STPG2: variants seen among roughly 807,000 people sequenced by gnomAD.
STPG2 encodes the protein sperm tail PG-rich repeat containing 2.
Under a neutral mutation model 54.2 loss-of-function variants are expected in STPG2, and 56 were observed. The ratio of observed to expected loss-of-function variants is 1.03; its 90% CI spans 0.83 to 1.29. The LOEUF (loss-of-function observed/expected upper bound fraction) is 1.29. STPG2 is among the 50% of genes most tolerant of loss of function. The pLI is 0.00. For synonymous variants in STPG2, 200 were observed against 181.8 expected (o/e 1.10, Z -0.81); for missense variants, 596 against 544.9 (o/e 1.09, Z -0.93).
chr4:98,026,313 T>C, intron 5 of STPG2: 1 of 610,648 alleles, frequency 1.6e-6, no homozygotes, highest in Non-Finnish European at 2.9e-6. Flanking sequence ...ACAATAAAAG[T>C]ATGGACAGAA....
chr4:97,521,945 T>TA (rs942461593), intron 4 of STPG2, among the ~76,000 whole-genome samples: 9 of 151,744 alleles, frequency 5.9e-5, no homozygotes, highest in South Asian at 4.2e-4. Flanking sequence ...TACTGTCTCT[T>TA]AAAAAAAATC....
intron 5 of STPG2, among the ~76,000 whole-genome samples, chr4:97,982,472 C>CA (rs528985697): frequency 4.3e-4 from 65 of 150,512 alleles, no homozygotes; most frequent in African/African-American, 9.0e-4. Flanking sequence ...TATGTATTTA[C>CA]AAAAAAAATG....
chr4:97,880,012 A>T (rs1358343999), intron 8 of STPG2, among the ~76,000 whole-genome samples: 1 of 152,196 alleles, frequency 6.6e-6, no homozygotes, highest in East Asian at 1.9e-4. Flanking sequence ...TGCTTTTTGC[A>T]GCATTATTCA....
chr4:97,846,743 CGAA>C, intron 8 of STPG2, among the ~76,000 whole-genome samples: 1 of 151,544 alleles, frequency 6.6e-6, no homozygotes, highest in South Asian at 2.1e-4. Context: ...GAAGGGCCTG[CGAA>C]AATATGCAGT....
At chr4:97,870,658 T>C (rs889093828) in intron 8 of STPG2, among the ~76,000 whole-genome samples, 2 of 151,372 alleles carry the variant, frequency 1.3e-5, no homozygotes, top group Admixed American at 1.3e-4. Flanking sequence ...TAATGTATCA[T>C]TGACAATTAT....
intron 9 of STPG2, among the ~76,000 whole-genome samples, chr4:97,739,473 T>C (rs1375573336): frequency 1.3e-5 from 2 of 152,018 alleles, no homozygotes; most frequent in Non-Finnish European, 2.9e-5. Context: ...CTAGCAAGAC[T>C]AATAAAGAAG....
chr4:97,443,701 T>G (rs552097064), intron 4 of STPG2, among the ~76,000 whole-genome samples: 1 of 152,242 alleles, frequency 6.6e-6, no homozygotes, highest in African/African-American at 2.4e-5. Context: ...ATATTTAAGG[T>G]ACCTGAGAAA....
At chr4:97,940,250 T>A (rs1732925752) in intron 8 of STPG2, among the ~76,000 whole-genome samples, 1 of 152,188 alleles carries the variant, frequency 6.6e-6, no homozygotes, top group Admixed American at 6.5e-5. Flanking sequence ...CATTTCAACC[T>A]TGGAAAATCT....
chr4:98,019,602 T>C (rs1415937842), intron 5 of STPG2, among the ~76,000 whole-genome samples: 1 of 151,484 alleles, frequency 6.6e-6, no homozygotes, highest in Non-Finnish European at 1.5e-5. Context: ...ATAAATTACC[T>C]TGGGCAGTAC....
chr4:97,938,801 G>T (rs1366822716), intron 8 of STPG2, among the ~76,000 whole-genome samples: 1 of 151,890 alleles, frequency 6.6e-6, no homozygotes, highest in East Asian at 1.9e-4. Flanking sequence ...GGTCAGTCCT[G>T]ATGAGAGAAC....
chr4:97,813,938 C>T (rs1010746375), intron 9 of STPG2, among the ~76,000 whole-genome samples: 1 of 151,918 alleles, frequency 6.6e-6, no homozygotes, highest in African/African-American at 2.4e-5. Flanking sequence ...AATTAGAATG[C>T]ATTCTGTTAG....
chr4:97,854,211 G>C (rs1307510184), intron 8 of STPG2, among the ~76,000 whole-genome samples: 2 of 152,090 alleles, frequency 1.3e-5, no homozygotes, highest in Non-Finnish European at 2.9e-5. Context: ...TCTACCAGTA[G>C]TAAAGGTTAT....
chr4:97,756,796 T>C (rs758031492), intron 9 of STPG2, among the ~76,000 whole-genome samples: 15 of 152,166 alleles, frequency 9.9e-5, no homozygotes, highest in Admixed American at 2.6e-4. Flanking sequence ...AAAAAACTGA[T>C]TGCAGGCCAC....
chr4:97,450,699 T>C (rs948860697), intron 4 of STPG2, among the ~76,000 whole-genome samples: 43 of 152,150 alleles, frequency 2.8e-4, no homozygotes, highest in Admixed American at 2.8e-3. Flanking sequence ...ATAGGCCTCA[T>C]GAGGGATAGT....
intron 7 of STPG2, among the ~76,000 whole-genome samples, chr4:97,951,130 T>C (rs1733448082): frequency 6.6e-6 from 1 of 152,166 alleles, no homozygotes; most frequent in African/African-American, 2.4e-5. Context: ...TATGATTTCA[T>C]CTCTGACCCA....
intron 5 of STPG2, among the ~76,000 whole-genome samples, chr4:98,076,255 A>AAG (rs1738162823): frequency 6.7e-6 from 1 of 149,140 alleles, no homozygotes; most frequent in Non-Finnish European, 1.5e-5. Context: ...AAAAAAAAAA[A>AAG]AAGAAGCAGC....
At chr4:97,838,140 T>G (rs1241803070) in intron 9 of STPG2, among the ~76,000 whole-genome samples, 1 of 151,568 alleles carries the variant, frequency 6.6e-6, no homozygotes, top group East Asian at 1.9e-4. Flanking sequence ...TAATTTTATC[T>G]GATGTATAAG....
intron 10 of STPG2, among the ~76,000 whole-genome samples, chr4:97,702,931 ACT>A (rs1383360559): frequency 3.3e-5 from 5 of 151,624 alleles, no homozygotes; most frequent in Non-Finnish European, 7.4e-5. Context: ...AGGAGGTAAG[ACT>A]CTGACTCAGG....
At chr4:97,908,663 C>T (rs1226129183) in intron 8 of STPG2, among the ~76,000 whole-genome samples, 1 of 151,702 alleles carries the variant, frequency 6.6e-6, no homozygotes, top group Non-Finnish European at 1.5e-5. Flanking sequence ...GGCACATATA[C>T]ACCATGGAAT....
Sources: gnomAD v4.1 joint callset for allele counts (sites outside exome capture counted in the v4.1 genomes callset) on GRCh38, gnomAD v4.1.1 for gene constraint, MANE v1.5 for transcripts, NCBI Gene and HGNC (gene_info 2026-07-23, HGNC 2026-07-21) for gene names.